CFAP299: variants seen among roughly 807,000 people sequenced by gnomAD.
The protein encoded by CFAP299 is cilia- and flagella-associated protein 299.
Under a neutral mutation model 27.0 loss-of-function variants are expected in CFAP299, and 21 were observed. That is an observed-to-expected ratio of 0.78 (90% CI 0.55 to 1.12). CFAP299 has a LOEUF of 1.12. Ranked by LOEUF, CFAP299 falls within the 50% of genes most tolerant of loss-of-function variation. The pLI, the probability that CFAP299 is intolerant of heterozygous loss-of-function variation, is 0.00. For missense variants in CFAP299, 310 were observed against 276.6 expected (o/e 1.12, Z -0.86); for synonymous variants, 104 against 98.1 (o/e 1.06, Z -0.36).
At chr4:80,848,333 C>T (rs903990975) in intron 3 of CFAP299, among the ~76,000 whole-genome samples, 2 of 152,182 alleles carry the variant, frequency 1.3e-5, no homozygotes, top group Non-Finnish European at 2.9e-5. Flanking sequence ...GGGATATGTT[C>T]TGAGAAATGT....
rs1734310660 is a variant in CFAP299 at position 80,547,761 on chromosome 4, A to G, written c.243-35332A>G. ...AAAGAAAAAGACATACAAACCGCTA[A>G]CAAATACATGAAAAAATGTTTGTCA... On this transcript the variant is annotated intron_variant, in intron 2 of 5. Transcript: ENST00000358105. Among the ~76,000 whole-genome samples, 4 of 152,324 alleles carry G rather than the reference A, an allele frequency of 2.6e-5. No individual in the cohort carries two copies. The South Asian group carries it at 8.3e-4, about 32-fold the overall frequency.
At chr4:80,729,514 G>T (rs1403561741) in intron 3 of CFAP299, among the ~76,000 whole-genome samples, 3 of 152,072 alleles carry the variant, frequency 2.0e-5, no homozygotes, top group Non-Finnish European at 4.4e-5. Flanking sequence ...TCACCCTGAG[G>T]GAAGTATGCT....
intron 3 of CFAP299, among the ~76,000 whole-genome samples, chr4:80,787,637 C>T (rs947413199): frequency 2.0e-5 from 3 of 151,986 alleles, no homozygotes; most frequent in African/African-American, 7.2e-5. Flanking sequence ...AACATCAATT[C>T]CAAGCCCTTT....
chr4:80,854,810 GA>G (rs58533748), intron 3 of CFAP299, among the ~76,000 whole-genome samples: 2,782 of 43,208 alleles, frequency 0.064, 51 homozygotes, highest in African/African-American at 0.11. Flanking sequence ...CTGTTGCTAT[GA>G]AAAAAAAAAA....
chr4:80,395,318 A>G (rs1725721007), intron 2 of CFAP299, among the ~76,000 whole-genome samples: 1 of 152,070 alleles, frequency 6.6e-6, no homozygotes, highest in South Asian at 2.1e-4. Context: ...TAGAGTTTTT[A>G]AGCAAATGTC....
At chr4:80,388,133 G>T (rs1199807776) in intron 2 of CFAP299, 2 of 675,816 alleles carry the variant, frequency 3.0e-6, no homozygotes, top group African/African-American at 1.8e-5. Flanking sequence ...ATGCCCAGGG[G>T]GGCCCAGGCT....
intron 3 of CFAP299, among the ~76,000 whole-genome samples, chr4:80,746,561 G>A (rs184522561): frequency 4.6e-5 from 7 of 152,060 alleles, no homozygotes; most frequent in Admixed American, 2.0e-4. Context: ...CTCCTAGTTT[G>A]TTCATCAGAT....
chr4:80,358,499 G>C (rs77847505), intron 1 of CFAP299, among the ~76,000 whole-genome samples: 1 of 152,030 alleles, frequency 6.6e-6, no homozygotes, highest in Admixed American at 6.5e-5. Context: ...AACTTGCTTT[G>C]TGAATCTGGG....
At chr4:80,723,650 T>C (rs1489565191) in intron 3 of CFAP299, among the ~76,000 whole-genome samples, 5 of 152,290 alleles carry the variant, frequency 3.3e-5, no homozygotes, top group Admixed American at 2.6e-4. Context: ...TTGATATATT[T>C]ATTATCTTTA....
At chr4:80,725,872 G>T (rs1172141597) in intron 3 of CFAP299, among the ~76,000 whole-genome samples, 1 of 152,170 alleles carries the variant, frequency 6.6e-6, no homozygotes, top group Non-Finnish European at 1.5e-5. Flanking sequence ...TTTCCTGTGT[G>T]CCAAAGCTGA....
chr4:80,546,272 G>C (rs1455368253), intron 2 of CFAP299, among the ~76,000 whole-genome samples: 1 of 152,000 alleles, frequency 6.6e-6, no homozygotes, highest in East Asian at 1.9e-4. Flanking sequence ...AACAACTTCA[G>C]TGAAGTTTCA....
chr4:80,895,339 A>C (rs1303251668), intron 4 of CFAP299, among the ~76,000 whole-genome samples: 3 of 150,836 alleles, frequency 2.0e-5, no homozygotes, highest in Middle Eastern at 3.2e-3. Context: ...CAAAAACTAA[A>C]ATGAGTTATT....
chr4:80,792,175 A>G (rs1028361257), intron 3 of CFAP299, among the ~76,000 whole-genome samples: 3 of 152,080 alleles, frequency 2.0e-5, no homozygotes, highest in Non-Finnish European at 2.9e-5. Flanking sequence ...TGTAATTAAA[A>G]ATTTAGCTCC....
rs375809997 is a variant in CFAP299 at position 80,852,257 on chromosome 4, T to C, written c.334-17736T>C. 2.4e-4 allele frequency among the ~76,000 whole-genome samples: 37 copies of C among 152,282 alleles called. No individual in the cohort carries two copies. The South Asian group carries it at 6.4e-3, about 26-fold the overall frequency. ...CCCTTGATCAGCAGAATCAGCGTCA[T>C]CTGAGAGCTTGTTAAAAATGCAAAT... On this transcript the variant is annotated intron_variant, in intron 3 of 5. Coordinates refer to ENST00000358105, the MANE Select transcript of CFAP299 (RefSeq NM_152770.3).
At chr4:80,883,164 G>A (rs886697266) in intron 4 of CFAP299, among the ~76,000 whole-genome samples, 3 of 152,120 alleles carry the variant, frequency 2.0e-5, no homozygotes, top group Admixed American at 6.5e-5. Flanking sequence ...TGAGAGGAAT[G>A]AAGAAGAAAA....
chr4:80,819,720 C>G (rs930725244), intron 3 of CFAP299, among the ~76,000 whole-genome samples: 1 of 152,048 alleles, frequency 6.6e-6, no homozygotes, highest in Non-Finnish European at 1.5e-5. Flanking sequence ...CAGCCCAATT[C>G]ATAAAATCCA....
intron 3 of CFAP299, among the ~76,000 whole-genome samples, chr4:80,804,827 AAT>A (rs1482242607): frequency 6.6e-6 from 1 of 152,118 alleles, no homozygotes; most frequent in Non-Finnish European, 1.5e-5. Context: ...CTGTTCAGCT[AAT>A]TTCTGTCTTT....
intron 4 of CFAP299, among the ~76,000 whole-genome samples, chr4:80,920,190 A>T (rs1204796481): frequency 2.0e-5 from 3 of 152,132 alleles, no homozygotes; most frequent in Non-Finnish European, 2.9e-5. Context: ...GGATTAGTCA[A>T]TATCCGTTAG....
At chr4:80,596,371 C>A (rs941032554) in intron 3 of CFAP299, among the ~76,000 whole-genome samples, 1 of 152,142 alleles carries the variant, frequency 6.6e-6, no homozygotes, top group Non-Finnish European at 1.5e-5. Context: ...CTGCAACGGG[C>A]AAAACCTGCC....
Sources: gnomAD v4.1 joint callset for allele counts (sites outside exome capture counted in the v4.1 genomes callset) on GRCh38, gnomAD v4.1.1 for gene constraint, MANE v1.5 for transcripts, NCBI Gene and HGNC (gene_info 2026-07-23, HGNC 2026-07-21) for gene names.